The following SLC17A3 variants were observed in gnomAD, a reference collection of about 807,000 sequenced individuals.
The protein encoded by SLC17A3 is solute carrier family 17 member 3, also known as sodium-dependent phosphate transport protein 4.
A neutral mutation model predicts 60.3 loss-of-function variants in SLC17A3; 61 were observed. That is an observed-to-expected ratio of 1.01 (90% CI 0.82 to 1.25). The LOEUF is 1.25. Ranked by LOEUF, SLC17A3 falls within the 50% of genes most tolerant of loss-of-function variation. The pLI, the probability that SLC17A3 is intolerant of heterozygous loss-of-function variation, is 0.00. For synonymous variants in SLC17A3, 192 were observed against 208.9 expected, an observed-to-expected ratio of 0.92 and a Z score of 0.70; for missense variants, 624 against 594.9, an observed-to-expected ratio of 1.05 and a Z score of -0.51.
At chr6:25,868,993 G>T (rs1229708526) in intron 1 of SLC17A3, among the ~76,000 whole-genome samples, 1 of 151,894 alleles carries the variant, frequency 6.6e-6, no homozygotes, top group Admixed American at 6.6e-5. Context: ...TTCCTCATTT[G>T]ACTCACTGTA....
In SLC17A3 at chr6:25,861,950, G is replaced by A; in HGVS notation, c.383C>T (p.Ala128Val). Reference protein sequence around the residue: ...AVGYGGILTMAPSGYLAGRVG... With the variant: ...AVGYGGILTMVPSGYLAGRVG... Reference sequence around the variant, plus strand: ...TCTTCCAGCCAGGTATCCACTGGGAGCCATTGTCAGTATGCCACCATAGCC... The same window carrying A: ...TCTTCCAGCCAGGTATCCACTGGGAACCATTGTCAGTATGCCACCATAGCC... Residue 128 changes from alanine (A) to valine (V), a missense_variant, in exon 4 of 13, where the codon GCT becomes GTT. By Grantham distance (64) the Ala-to-Val change is moderately conservative (BLOSUM62 0). Transcript: ENST00000397060. 3 of 1,612,568 alleles carry A rather than the reference G, an allele frequency of 1.9e-6. No homozygotes were observed. Among genetic ancestry groups the A allele is most frequent in the South Asian group, 2.2e-5 (2 of 90,748 alleles).
chr6:25,846,732 T>C (rs1384729123), intron 11 of SLC17A3, among the ~76,000 whole-genome samples: 2 of 152,102 alleles, frequency 1.3e-5, no homozygotes, highest in Non-Finnish European at 2.9e-5. Context: ...TGCCTCAGCC[T>C]CCCGAGTAGC....
chr6:25,857,312 C>A (rs1765373521), intron 5 of SLC17A3, among the ~76,000 whole-genome samples: 1 of 150,978 alleles, frequency 6.6e-6, no homozygotes, highest in Admixed American at 6.6e-5. Context: ...ACTGTCTGTT[C>A]ATAATCTTTT....
At position 25,846,355 on chromosome 6, in the gene SLC17A3, T is replaced by G. The variant is rs148228144; in HGVS notation, c.1363-839A>C. Among the ~76,000 whole-genome samples the G allele has an allele frequency of 2.6e-5, 4 of 152,290 alleles. No homozygotes were observed. The East Asian group carries it at 7.7e-4, about 29-fold the overall frequency. On this transcript the variant is annotated intron_variant, in intron 11 of 12. Coordinates refer to ENST00000397060, the MANE Select transcript of SLC17A3 (RefSeq NM_001098486.2). ...TGTCCATAAAAGTACAATAGATAAT[T>G]TGTGATTAGCCACACAATGAGACAC...
Position 25,850,169 on chromosome 6 carries a change from A to C in SLC17A3, c.1002T>G (p.Leu334=), listed in dbSNP as rs1765249215. ...CAACAATAAAAGGAAGGGCAGATAG[A>C]AGTCCATTCTAAAGAGAAAAGATTG... The part of the protein sequence containing the change: ...VYHVNIRDNG[L]LSALPFIVAW... Residue 334 remains leucine, a synonymous_variant, in exon 9 of 13, where the codon CTT becomes CTG. Transcript: ENST00000397060. 10 of 1,613,596 alleles carry C rather than the reference A, an allele frequency of 6.2e-6. No homozygotes were observed. Among genetic ancestry groups the C allele is most frequent in the Non-Finnish European group, 7.6e-6 (9 of 1,179,608 alleles).
chr6:25,870,471 A>G (rs144194775), intron 1 of SLC17A3, among the ~76,000 whole-genome samples: 1 of 152,124 alleles, frequency 6.6e-6, no homozygotes, highest in African/African-American at 2.4e-5. Context: ...GTGAGACTTT[A>G]TACCCCCTAC....
chr6:25,861,573 A>G (rs1167470415), intron 5 of SLC17A3, 51 bp downstream of exon 5: 2 of 1,446,186 alleles, frequency 1.4e-6, no homozygotes, highest in Non-Finnish European at 1.9e-6. Flanking sequence ...CAAGGAACCC[A>G]GTGGGAAAAT....
intron 11 of SLC17A3, among the ~76,000 whole-genome samples, chr6:25,847,891 C>T (rs1448784399): frequency 1.3e-5 from 2 of 152,048 alleles, no homozygotes; most frequent in Non-Finnish European, 2.9e-5. Flanking sequence ...TTAACCCTTA[C>T]CCCCTTCCCA....
At chr6:25,867,351 T>C (rs759184362) in intron 2 of SLC17A3, among the ~76,000 whole-genome samples, 1 of 151,860 alleles carries the variant, frequency 6.6e-6, no homozygotes, top group East Asian at 1.9e-4. Flanking sequence ...TAAAATCACC[T>C]CCTCTTCTGC....
At chr6:25,860,408 C>A (rs909002232) in intron 5 of SLC17A3, among the ~76,000 whole-genome samples, 7 of 152,102 alleles carry the variant, frequency 4.6e-5, no homozygotes, top group South Asian at 2.1e-4. Flanking sequence ...CAATTCCATC[C>A]ACCAGTACAG....
At chr6:25,868,587 G>A (rs1390123838) in intron 1 of SLC17A3, 167 bp from the exon 2 acceptor site, 4 of 580,174 alleles carry the variant, frequency 6.9e-6, no homozygotes, top group East Asian at 3.0e-5. Flanking sequence ...CATACTGCAC[G>A]TAAGGTTTGG....
chr6:25,872,329 C>CA (rs35631811), intron 1 of SLC17A3, among the ~76,000 whole-genome samples: 30,152 of 94,998 alleles, frequency 0.32, 3,790 homozygotes, highest in African/African-American at 0.39. Flanking sequence ...GCTTTAACGC[C>CA]AAAAAAAAAA....
intron 2 of SLC17A3, among the ~76,000 whole-genome samples, chr6:25,865,613 G>A (rs1201112569): frequency 6.6e-6 from 1 of 151,962 alleles, no homozygotes; most frequent in Non-Finnish European, 1.5e-5. Flanking sequence ...TCATGAGAAT[G>A]TTGAAAGATT....
chr6:25,857,188 C>CAA (rs947983410), intron 5 of SLC17A3, among the ~76,000 whole-genome samples: 3 of 134,582 alleles, frequency 2.2e-5, no homozygotes, highest in African/African-American at 2.8e-5. Flanking sequence ...GACCTTATCT[C>CAA]AAAAAAAAAA....
chr6:25,851,712 G>C (rs1765280614), intron 6 of SLC17A3, among the ~76,000 whole-genome samples: 1 of 152,000 alleles, frequency 6.6e-6, no homozygotes, highest in African/African-American at 2.4e-5. Flanking sequence ...GAAGTAAATA[G>C]AATCATGAGT....
chr6:25,864,098 C>A (rs991998250), intron 2 of SLC17A3, among the ~76,000 whole-genome samples: 1 of 151,876 alleles, frequency 6.6e-6, no homozygotes, highest in Non-Finnish European at 1.5e-5. Context: ...AAGAACATAA[C>A]AAGTAGAGGG....
At chr6:25,864,501 G>A (rs1480125571) in intron 2 of SLC17A3, among the ~76,000 whole-genome samples, 3 of 151,908 alleles carry the variant, frequency 2.0e-5, no homozygotes, top group Admixed American at 6.6e-5. Context: ...AAATCCCAGC[G>A]TGGAAAAAAC....
intron 5 of SLC17A3, among the ~76,000 whole-genome samples, chr6:25,859,735 A>G (rs190336692): frequency 2.6e-4 from 39 of 152,316 alleles, no homozygotes; most frequent in Non-Finnish European, 4.7e-4. Flanking sequence ...CATCAGTGGT[A>G]AGGCTGGTGC....
intron 5 of SLC17A3, among the ~76,000 whole-genome samples, chr6:25,858,822 C>T (rs1196528177): frequency 6.6e-6 from 1 of 152,192 alleles, no homozygotes; most frequent in Non-Finnish European, 1.5e-5. Context: ...CAAATACACA[C>T]ACACAAATAC....
Sources: gnomAD v4.1 joint callset for allele counts (sites outside exome capture counted in the v4.1 genomes callset) on GRCh38, gnomAD v4.1.1 for gene constraint, MANE v1.5 for transcripts, NCBI Gene and HGNC (gene_info 2026-07-23, HGNC 2026-07-21) for gene names.